Variants in MECOM observed in about 807,000 individuals in gnomAD.
MECOM encodes the protein MDS1 and EVI1 complex locus.
In MECOM, 13 loss-of-function variants were observed where a neutral mutation model predicts 116.3. The ratio of observed to expected loss-of-function variants is 0.11; its 90% CI spans 0.07 to 0.18. The LOEUF is 0.18. Ranked by LOEUF, MECOM falls within the 10% of genes least tolerant of loss-of-function variation. MECOM has a pLI of 1.00. For synonymous variants in MECOM, 528 were observed against 535.2 expected, an observed-to-expected ratio of 0.99 and a Z score of 0.19; for missense variants, 1,299 against 1,509.0, an observed-to-expected ratio of 0.86 and a Z score of 2.31.
chr3:169,321,342 C>G (rs1476391827), intron 2 of MECOM, among the ~76,000 whole-genome samples: 1 of 152,084 alleles, frequency 6.6e-6, no homozygotes, highest in Admixed American at 6.5e-5. Context: ...GAGATTGAGA[C>G]CATCCTGGCT....
At chr3:169,280,749 C>G (rs1711770637) in intron 2 of MECOM, among the ~76,000 whole-genome samples, 2 of 152,092 alleles carry the variant, frequency 1.3e-5, no homozygotes, top group Admixed American at 6.6e-5. Context: ...AAGGTGGGAA[C>G]AGCATAATGA....
At chr3:169,542,344 A>ACTTATTTT (rs751488329) in intron 1 of MECOM, among the ~76,000 whole-genome samples, 38 of 151,528 alleles carry the variant, frequency 2.5e-4, no homozygotes, top group Middle Eastern at 3.4e-3. Context: ...AAAAGAACAG[A>ACTTATTTT]CTTATTTTGA....
chr3:169,125,091 A>T (rs1391065687), intron 5 of MECOM, among the ~76,000 whole-genome samples: 1 of 152,098 alleles, frequency 6.6e-6, no homozygotes, highest in Non-Finnish European at 1.5e-5. Context: ...TTCCTGCCCC[A>T]TGAATCAATT....
chr3:169,506,466 C>CTTTTTTTTTTTT (rs59006044), intron 1 of MECOM, among the ~76,000 whole-genome samples: 2 of 147,712 alleles, frequency 1.4e-5, no homozygotes, highest in South Asian at 2.1e-4. Flanking sequence ...GGTGAGTACT[C>CTTTTTTTTTTTT]TTTTTTTTTT....
chr3:169,222,765 T>A (rs1198019602), intron 2 of MECOM, among the ~76,000 whole-genome samples: 1 of 152,264 alleles, frequency 6.6e-6, no homozygotes, highest in African/African-American at 2.4e-5. Context: ...ACTAATTTTG[T>A]GAAGTTTTCT....
intron 2 of MECOM, among the ~76,000 whole-genome samples, chr3:169,223,929 A>G (rs1261072221): frequency 1.3e-5 from 2 of 152,118 alleles, no homozygotes; most frequent in Non-Finnish European, 2.9e-5. Flanking sequence ...TGGCCAAGAG[A>G]AGCAGAGCAA....
At chr3:169,464,152 G>C (rs890683324) in intron 1 of MECOM, 3 of 152,112 alleles carry the variant, frequency 2.0e-5, no homozygotes, top group Non-Finnish European at 4.4e-5. Context: ...TATCACCTGA[G>C]ACAACATTTG....
intron 2 of MECOM, among the ~76,000 whole-genome samples, chr3:169,273,607 G>T (rs73879046): frequency 2.0e-5 from 3 of 152,142 alleles, no homozygotes; most frequent in Non-Finnish European, 4.4e-5. Context: ...GGAATGCTAC[G>T]GTTTCTCTAT....
chr3:169,172,281 A>G (rs1050198604), intron 2 of MECOM, among the ~76,000 whole-genome samples: 29 of 151,978 alleles, frequency 1.9e-4, no homozygotes, highest in African/African-American at 6.8e-4. Context: ...TTTACAGTTT[A>G]TTATTTATTT....
chr3:169,620,949 G>A (rs1770641229), intron 1 of MECOM, among the ~76,000 whole-genome samples: 9 of 152,116 alleles, frequency 5.9e-5, no homozygotes, highest in Admixed American at 5.9e-4. Context: ...AAGAGTGCAG[G>A]GCTTAAAGTC....
rs115387649 is a variant in MECOM, at chr3:169,437,864, A to G, written c.38-56340T>C. On this transcript the variant is annotated intron_variant, in intron 1 of 16. Transcript: ENST00000651503. ...TAAACTTTTAGCAGAGCCTAATTGC[A>G]ATGTCATATATAGAGTGACAAGAAA... 9.6e-3 allele frequency among the ~76,000 whole-genome samples: 1,457 copies of G among 152,308 alleles called. 28 individuals carry two copies. The highest frequency in any genetic ancestry group is 0.034 in the African/African-American group (1,400 of 41,570).
intron 1 of MECOM, among the ~76,000 whole-genome samples, chr3:169,599,359 C>T (rs1175185524): frequency 6.6e-6 from 1 of 151,898 alleles, no homozygotes; most frequent in African/African-American, 2.4e-5. Context: ...ACTTAAAATA[C>T]AAAAATCAGC....
At chr3:169,316,928 C>T (rs1367069026) in intron 2 of MECOM, among the ~76,000 whole-genome samples, 1 of 152,206 alleles carries the variant, frequency 6.6e-6, no homozygotes, top group Non-Finnish European at 1.5e-5. Context: ...CATTATTCCT[C>T]ATTTACATCT....
intron 2 of MECOM, among the ~76,000 whole-genome samples, chr3:169,299,378 G>T (rs1201799952): frequency 1.3e-5 from 2 of 152,118 alleles, no homozygotes; most frequent in Non-Finnish European, 2.9e-5. Flanking sequence ...CCCAGGCTGT[G>T]GTTGCTCTTC....
At chr3:169,229,930 C>T (rs1753174668) in intron 2 of MECOM, among the ~76,000 whole-genome samples, 1 of 151,912 alleles carries the variant, frequency 6.6e-6, no homozygotes, top group East Asian at 1.9e-4. Flanking sequence ...TAAAACTAAA[C>T]AAAGAAAATT....
chr3:169,659,086 A>AG lies in MECOM; in HGVS notation c.37+4249_37+4250insC, dbSNP rs1344822979. ...ACCTTCAACTCCAAAAAAAAAAAAA[A>AG]AAAAAGAAAGAGAAAGAAAGAAAGA... On this transcript the variant is annotated intron_variant, in intron 1 of 16. Transcript: ENST00000651503. Among the ~76,000 whole-genome samples the AG allele has an allele frequency of 4.9e-4, 71 of 143,794 alleles. 2 individuals are homozygous for AG. Among genetic ancestry groups the AG allele is most frequent in the African/African-American group, 1.8e-3 (63 of 35,098 alleles). 94.3% of individuals were successfully genotyped at this position (143,794 alleles called of 152,430 possible). A position where few individuals can be genotyped will look rare whatever the true frequency, so the allele number is the denominator to read the frequency against.
intron 2 of MECOM, among the ~76,000 whole-genome samples, chr3:169,317,202 A>G (rs112715544): frequency 3.9e-5 from 6 of 152,356 alleles, no homozygotes; most frequent in African/African-American, 1.4e-4. Context: ...CTCCTTGCCA[A>G]TTCTTACATT....
At chr3:169,427,138 CA>C (rs1740861220) in intron 1 of MECOM, among the ~76,000 whole-genome samples, 1 of 151,998 alleles carries the variant, frequency 6.6e-6, no homozygotes, top group African/African-American at 2.4e-5. Context: ...CCCTTTCCCT[CA>C]CATGTCACAG....
chr3:169,329,092 A>G (rs1226683756), intron 2 of MECOM, among the ~76,000 whole-genome samples: 1 of 152,232 alleles, frequency 6.6e-6, no homozygotes, highest in Non-Finnish European at 1.5e-5. Context: ...ACATCAATAT[A>G]GAAACATACT....
Sources: allele counts gnomAD v4.1 joint callset (sites outside exome capture counted in the v4.1 genomes callset), GRCh38; gene constraint gnomAD v4.1.1; transcripts MANE v1.5; gene names NCBI Gene and HGNC (gene_info 2026-07-23, HGNC 2026-07-21).